The following PEAK1 variants were observed in gnomAD, a reference collection of about 807,000 sequenced individuals.
PEAK1 encodes inactive tyrosine-protein kinase PEAK1.
A neutral mutation model predicts 124.7 loss-of-function variants in PEAK1; 54 were observed. That is an observed-to-expected ratio of 0.43 (90% CI 0.35 to 0.54). The LOEUF (loss-of-function observed/expected upper bound fraction) is 0.54, where lower values mean the gene tolerates loss of function less well. Ranked by LOEUF, PEAK1 falls within the 20% of genes least tolerant of loss-of-function variation. The pLI, the probability that PEAK1 is intolerant of heterozygous loss-of-function variation, is 0.01. For missense variants in PEAK1, 2,046 were observed against 2,134.5 expected (o/e 0.96, Z 0.82); for synonymous variants, 719 against 760.0 (o/e 0.95, Z 0.89).
At chr15:77,282,939 T>C (rs920537321) in intron 5 of PEAK1, among the ~76,000 whole-genome samples, 6 of 152,146 alleles carry the variant, frequency 3.9e-5, no homozygotes, top group African/African-American at 1.4e-4. Context: ...AAAAAAACCT[T>C]TGCATATGTT....
intron 6 of PEAK1, among the ~76,000 whole-genome samples, chr15:77,212,106 C>G (rs1033002812): frequency 6.6e-6 from 1 of 151,944 alleles, no homozygotes; most frequent in Non-Finnish European, 1.5e-5. Flanking sequence ...AATATATAAT[C>G]ATTGAATTTT....
At chr15:77,145,716 C>A (rs748378965) in intron 8 of PEAK1, among the ~76,000 whole-genome samples, 54 of 152,130 alleles carry the variant, frequency 3.5e-4, no homozygotes, top group Non-Finnish European at 6.5e-4. Context: ...CCATTTGCTA[C>A]AAGTAAAAGA....
At chr15:77,324,718 C>G (rs1246857305) in intron 2 of PEAK1, among the ~76,000 whole-genome samples, 1 of 152,070 alleles carries the variant, frequency 6.6e-6, no homozygotes, top group Non-Finnish European at 1.5e-5. Context: ...GGAGCAAGAA[C>G]GGATAGGAGG....
At chr15:77,338,450 G>C (rs1425632631) in intron 2 of PEAK1, among the ~76,000 whole-genome samples, 1 of 152,048 alleles carries the variant, frequency 6.6e-6, no homozygotes, top group East Asian at 1.9e-4. Context: ...GACTTTGAAA[G>C]AGCCCCAGAA....
chr15:77,324,357 T>C (rs1300994871), intron 2 of PEAK1, among the ~76,000 whole-genome samples: 1 of 152,066 alleles, frequency 6.6e-6, no homozygotes, highest in Non-Finnish European at 1.5e-5. Flanking sequence ...GGTGGGTGCC[T>C]GTAAGCCCAG....
intron 5 of PEAK1, among the ~76,000 whole-genome samples, chr15:77,268,157 G>C (rs1178104562): frequency 6.6e-6 from 1 of 152,098 alleles, no homozygotes; most frequent in East Asian, 1.9e-4. Flanking sequence ...ATCTGATAAA[G>C]ACAAAGAAGA....
At chr15:77,265,089 T>C (rs2061648212) in intron 5 of PEAK1, among the ~76,000 whole-genome samples, 1 of 152,120 alleles carries the variant, frequency 6.6e-6, no homozygotes, top group Non-Finnish European at 1.5e-5. Flanking sequence ...CCTTACACCT[T>C]ACACAAAAAT....
Position 77,180,007 on chromosome 15 carries a change from G to A in PEAK1, c.1920C>T (p.Ile640=). ...INPNAYDNLA[I]YKSFLGTSGE... Reference sequence around the variant, plus strand: ...CACTTGTTCCCAGAAAACTTTTGTAGATAGCTAGATTGTCATATGCATTTG... The same window carrying A: ...CACTTGTTCCCAGAAAACTTTTGTAAATAGCTAGATTGTCATATGCATTTG... Residue 640 remains isoleucine (I), a synonymous_variant, in exon 7 of 10, where the codon ATC becomes ATT. Transcript: ENST00000682557. The A allele has an allele frequency of 1.9e-6, 3 of 1,614,070 alleles. No homozygotes were observed. The highest frequency in any genetic ancestry group is 2.5e-6 in the Non-Finnish European group (3 of 1,179,960).
intron 2 of PEAK1, among the ~76,000 whole-genome samples, chr15:77,336,903 A>G (rs1252768114): frequency 6.6e-6 from 1 of 152,102 alleles, no homozygotes; most frequent in Non-Finnish European, 1.5e-5. Flanking sequence ...GAAAAAAAAA[A>G]AGAATAAAAT....
upstream of PEAK1, chr15:77,420,462 G>A (rs553275096): frequency 6.2e-6 from 1 of 160,076 alleles, no homozygotes; most frequent in Admixed American, 6.5e-5. Context: ...GGAAAATTTG[G>A]GTTCGATTAA....
At chr15:77,383,494 T>C (rs1489860188) in intron 1 of PEAK1, among the ~76,000 whole-genome samples, 3 of 152,220 alleles carry the variant, frequency 2.0e-5, no homozygotes, top group African/African-American at 7.2e-5. Flanking sequence ...ATAACCCTAC[T>C]TGTCAGAACT....
At position 77,286,516 on chromosome 15, in the gene PEAK1, T is replaced by G; in HGVS notation, c.-602-12A>C. ...CAAGTATTCTTTTCCTATTAGAAGA[T>G]GCAAAGTGGGGAAGATATATTAATA... On this transcript the variant is annotated splice_polypyrimidine_tract_variant and intron_variant, in intron 2 of 9. Transcript: ENST00000682557. The G allele has an allele frequency of 1.7e-6, 2 of 1,201,818 alleles. No homozygotes were observed. Among genetic ancestry groups the G allele is most frequent in the Non-Finnish European group, 2.1e-6 (2 of 960,952 alleles). 74.4% of individuals were successfully genotyped at this position (1,201,818 alleles called of 1,614,324 possible). A position where few individuals can be genotyped will look rare whatever the true frequency, so the allele number is the denominator to read the frequency against.
intron 6 of PEAK1, among the ~76,000 whole-genome samples, chr15:77,244,106 CAG>C (rs144587220): frequency 4.5e-4 from 69 of 152,130 alleles, no homozygotes; most frequent in African/African-American, 1.6e-3. Context: ...TTCATTCCTA[CAG>C]AGTTTGGTAG....
chr15:77,136,265 G>T (rs2053314865), intron 8 of PEAK1, among the ~76,000 whole-genome samples: 1 of 152,210 alleles, frequency 6.6e-6, no homozygotes, highest in Non-Finnish European at 1.5e-5. Context: ...TGAGAGAGAA[G>T]ACTTAGGGTA....
rs372141569 is a variant in PEAK1, at chr15:77,268,365, G to A, written c.-275+15518C>T. On this transcript the variant is annotated intron_variant, in intron 5 of 9. Transcript: ENST00000682557. ...GGTGTGTGCCTGTAATCCCAGCTAC[G>A]CAGAAGGCTGAGGTAGGAGAATCAC... 1.2e-4 allele frequency among the ~76,000 whole-genome samples: 18 copies of A among 151,888 alleles called. No homozygotes were observed. In the East Asian group the frequency reaches 3.1e-3, roughly 26 times the overall value.
chr15:77,410,671 T>C (rs1011439522), intron 1 of PEAK1, among the ~76,000 whole-genome samples: 3 of 152,254 alleles, frequency 2.0e-5, no homozygotes, highest in African/African-American at 7.2e-5. Context: ...ACTGTGCTAA[T>C]AAGATACAGT....
intron 6 of PEAK1, among the ~76,000 whole-genome samples, chr15:77,229,494 T>A (rs910891129): frequency 6.6e-6 from 1 of 152,122 alleles, no homozygotes; most frequent in African/African-American, 2.4e-5. Flanking sequence ...TTCTTATGGG[T>A]TTTACTTTAG....
intron 7 of PEAK1, among the ~76,000 whole-genome samples, chr15:77,168,575 G>C (rs1248076790): frequency 1.3e-5 from 2 of 152,168 alleles, no homozygotes; most frequent in African/African-American, 4.8e-5. Context: ...GTTGGATCTG[G>C]CCCATCGGCC....
intron 1 of PEAK1, among the ~76,000 whole-genome samples, chr15:77,394,313 G>A (rs1597584405): frequency 6.6e-6 from 1 of 152,292 alleles, no homozygotes; most frequent in South Asian, 2.1e-4. Context: ...GTTACCATGG[G>A]CCTTGAGTGA....
Sources: gnomAD v4.1 joint callset for allele counts (sites outside exome capture counted in the v4.1 genomes callset) on GRCh38, gnomAD v4.1.1 for gene constraint, MANE v1.5 for transcripts, NCBI Gene and HGNC (gene_info 2026-07-23, HGNC 2026-07-21) for gene names.